SRGAP3: variants seen among roughly 807,000 people sequenced by gnomAD.
SRGAP3 encodes SLIT-ROBO Rho GTPase activating protein 3.
In SRGAP3, 39 loss-of-function variants were observed where a neutral mutation model predicts 121.1. The observed-to-expected ratio is 0.32, with a 90% CI of 0.25 to 0.42. The LOEUF is 0.42. Ranked by LOEUF, SRGAP3 falls within the 10% of genes least tolerant of loss-of-function variation. SRGAP3 has a pLI of 1.00. For missense variants in SRGAP3, 1,213 were observed against 1,470.6 expected (o/e 0.82, Z 2.86); for synonymous variants, 601 against 570.0 (o/e 1.05, Z -0.77).
intron 3 of SRGAP3, among the ~76,000 whole-genome samples, chr3:9,294,517 C>G (rs1439171426): frequency 4.7e-5 from 7 of 149,176 alleles, no homozygotes; most frequent in African/African-American, 1.7e-4. Context: ...TATCCTGGAA[C>G]TTAAAATAAA....
chr3:9,164,557 T>C (rs1303248190), intron 1 of SRGAP3, among the ~76,000 whole-genome samples: 2 of 152,116 alleles, frequency 1.3e-5, no homozygotes, highest in African/African-American at 2.4e-5. Context: ...CCCAAAGTGC[T>C]GGGATTATAG....
chr3:9,002,894 GA>G (rs200230129), intron 18 of SRGAP3, among the ~76,000 whole-genome samples: 6 of 150,448 alleles, frequency 4.0e-5, no homozygotes, highest in East Asian at 3.9e-4. Context: ...GACTTAAGAA[GA>G]AAAAAAAATG....
intron 1 of SRGAP3, among the ~76,000 whole-genome samples, chr3:9,200,487 A>G (rs1473784435): frequency 6.6e-6 from 1 of 152,212 alleles, no homozygotes; most frequent in Non-Finnish European, 1.5e-5. Flanking sequence ...GCCATCCTAC[A>G]AAAGCACCTG....
At chr3:9,282,825 ATC>A (rs1954704770) in intron 3 of SRGAP3, among the ~76,000 whole-genome samples, 1 of 152,122 alleles carries the variant, frequency 6.6e-6, no homozygotes, top group Non-Finnish European at 1.5e-5. Flanking sequence ...AGAAAATATG[ATC>A]TCACACAGAT....
chr3:9,224,077 C>T (rs1574899387), intron 1 of SRGAP3, among the ~76,000 whole-genome samples: 1 of 152,194 alleles, frequency 6.6e-6, no homozygotes, highest in East Asian at 1.9e-4. Context: ...TGACCCTCCT[C>T]TCCAAACACG....
In SRGAP3 at chr3:9,341,165, G is replaced by A. The variant is rs148874729; in HGVS notation, n.215-10569C>T. On this transcript the variant is annotated intron_variant and non_coding_transcript_variant, in intron 1 of 3. Coordinates refer to the SRGAP3 transcript ENST00000490889. Reference sequence around the variant, plus strand: ...CCCTAATTACTTCCTAAACACCCTCGCTCCAGATAGAGTCACATAGCAGGT... The same window carrying A: ...CCCTAATTACTTCCTAAACACCCTCACTCCAGATAGAGTCACATAGCAGGT... Among the ~76,000 whole-genome samples, 191 of 152,216 alleles carry A rather than the reference G, an allele frequency of 1.3e-3. 1 individual carries two copies. The highest frequency in any genetic ancestry group is 4.6e-3 in the East Asian group (24 of 5,194).
At chr3:9,052,705 T>C (rs552946273) in intron 9 of SRGAP3, among the ~76,000 whole-genome samples, 2 of 152,232 alleles carry the variant, frequency 1.3e-5, no homozygotes, top group Non-Finnish European at 2.9e-5. Context: ...AATTTCAAGG[T>C]TGTTCCTTGG....
At chr3:9,047,349 G>A (rs1348721428) in intron 10 of SRGAP3, 42 bp downstream of exon 10, 1 of 1,600,582 alleles carries the variant, frequency 6.2e-7, no homozygotes, top group Non-Finnish European at 8.6e-7. Context: ...GAGCCAGTGG[G>A]GAACGCAGCA....
intron 3 of SRGAP3, among the ~76,000 whole-genome samples, chr3:9,272,604 A>G (rs1954498270): frequency 6.6e-6 from 1 of 152,212 alleles, no homozygotes; most frequent in Non-Finnish European, 1.5e-5. Context: ...TTAAGGATGA[A>G]TAATATTCTA....
chr3:9,185,780 T>C (rs1214704793), intron 1 of SRGAP3, among the ~76,000 whole-genome samples: 3 of 152,040 alleles, frequency 2.0e-5, no homozygotes, highest in Non-Finnish European at 4.4e-5. Context: ...TAAGTGATCC[T>C]CCCACCTCGG....
intron 10 of SRGAP3, among the ~76,000 whole-genome samples, chr3:9,043,516 C>T (rs1487833506): frequency 6.6e-6 from 1 of 151,930 alleles, no homozygotes; most frequent in Non-Finnish European, 1.5e-5. Flanking sequence ...AATGTCAGAA[C>T]ACACTGAAGG....
chr3:9,232,851 C>G (rs769458150), intron 1 of SRGAP3, among the ~76,000 whole-genome samples: 2 of 152,198 alleles, frequency 1.3e-5, no homozygotes, highest in African/African-American at 4.8e-5. Context: ...GTCCAGGAAC[C>G]ACACTGGGAG....
At chr3:9,162,552 C>T (rs1364007434) in intron 1 of SRGAP3, among the ~76,000 whole-genome samples, 7 of 152,198 alleles carry the variant, frequency 4.6e-5, no homozygotes. Context: ...CCTTCTGGTC[C>T]ACTTGCAGGC....
At chr3:8,991,966 G>A (rs531466455) in intron 20 of SRGAP3, among the ~76,000 whole-genome samples, 3 of 152,322 alleles carry the variant, frequency 2.0e-5, no homozygotes, top group South Asian at 2.1e-4. Flanking sequence ...GGTCCTCCTA[G>A]AAGTCAGGGG....
At chr3:9,013,260 G>A in intron 17 of SRGAP3, 48 bp downstream of exon 17, 1 of 1,554,022 alleles carries the variant, frequency 6.4e-7, no homozygotes, top group South Asian at 1.1e-5. Context: ...CTATTCAATG[G>A]CAATAACAAT....
At chr3:9,004,926 G>A (rs7631232) in intron 18 of SRGAP3, among the ~76,000 whole-genome samples, 4,632 of 152,230 alleles carry the variant, frequency 0.03, 217 homozygotes, top group African/African-American at 0.1. Context: ...ATGGAACTCA[G>A]TCAAAATGAA....
chr3:9,126,821 G>A (rs969720415), intron 1 of SRGAP3, among the ~76,000 whole-genome samples: 3 of 152,120 alleles, frequency 2.0e-5, no homozygotes, highest in African/African-American at 7.2e-5. Context: ...CTTAATGGGT[G>A]TAATGTACAT....
chr3:9,123,167 C>T (rs1447117715), intron 2 of SRGAP3, among the ~76,000 whole-genome samples: 1 of 151,956 alleles, frequency 6.6e-6, no homozygotes, highest in Non-Finnish European at 1.5e-5. Flanking sequence ...TGGTAGTTGC[C>T]GGCAGCTGGA....
chr3:9,147,335 G>C (rs1447234400), intron 1 of SRGAP3, among the ~76,000 whole-genome samples: 6 of 152,244 alleles, frequency 3.9e-5, no homozygotes, highest in East Asian at 1.9e-4. Context: ...TAGGCTCAAG[G>C]GTTGATCATA....
Sources: allele counts gnomAD v4.1 joint callset (sites outside exome capture counted in the v4.1 genomes callset), GRCh38; gene constraint gnomAD v4.1.1; transcripts MANE v1.5; gene names NCBI Gene and HGNC (gene_info 2026-07-23, HGNC 2026-07-21).